CCSER1: variants seen among roughly 807,000 people sequenced by gnomAD.
CCSER1 encodes the protein coiled-coil serine rich protein 1.
In CCSER1, 41 loss-of-function variants were observed where a neutral mutation model predicts 82.0. That is an observed-to-expected ratio of 0.50 (90% CI 0.39 to 0.65). CCSER1 has a LOEUF of 0.65. Ranked by LOEUF, CCSER1 falls within the 30% of genes least tolerant of loss-of-function variation. The pLI is 0.00. For synonymous variants in CCSER1, 414 were observed against 383.9 expected, an observed-to-expected ratio of 1.08 and a Z score of -0.92; for missense variants, 1,119 against 1,064.2, an observed-to-expected ratio of 1.05 and a Z score of -0.72.
chr4:91,021,177 T>C (rs1739929285), intron 9 of CCSER1, among the ~76,000 whole-genome samples: 1 of 152,118 alleles, frequency 6.6e-6, no homozygotes, highest in Non-Finnish European at 1.5e-5. Flanking sequence ...CATAAATCTG[T>C]TTGACTATTT....
intron 5 of CCSER1, among the ~76,000 whole-genome samples, chr4:90,561,175 G>A (rs1366970498): frequency 2.0e-5 from 3 of 152,132 alleles, no homozygotes; most frequent in Non-Finnish European, 2.9e-5. Flanking sequence ...GAAACAGAAA[G>A]CACCTCTCAT....
chr4:90,584,839 T>G (rs924063148), intron 5 of CCSER1, among the ~76,000 whole-genome samples: 2 of 152,196 alleles, frequency 1.3e-5, no homozygotes, highest in African/African-American at 4.8e-5. Flanking sequence ...TAAACAGATT[T>G]GACAAAATCT....
chr4:91,377,520 T>C (rs923237514), intron 10 of CCSER1, among the ~76,000 whole-genome samples: 1 of 152,242 alleles, frequency 6.6e-6, no homozygotes, highest in Non-Finnish European at 1.5e-5. Flanking sequence ...CATGTTTTCA[T>C]GTATTTGTTG....
At chr4:91,050,752 A>G (rs1742938329) in intron 9 of CCSER1, among the ~76,000 whole-genome samples, 1 of 152,208 alleles carries the variant, frequency 6.6e-6, no homozygotes, top group Non-Finnish European at 1.5e-5. Flanking sequence ...AGGCCAGTCC[A>G]GATAACACTG....
intron 9 of CCSER1, among the ~76,000 whole-genome samples, chr4:91,059,483 A>C (rs2148731629): frequency 6.9e-6 from 1 of 145,870 alleles, no homozygotes; most frequent in East Asian, 2.1e-4. Context: ...ATAAGTCTCC[A>C]AAATACCAGT....
chr4:90,933,275 C>T (rs1730475454), intron 9 of CCSER1, among the ~76,000 whole-genome samples: 1 of 150,992 alleles, frequency 6.6e-6, no homozygotes, highest in African/African-American at 2.4e-5. Flanking sequence ...GCAATCTCCA[C>T]CTCCCGGGTT....
intron 9 of CCSER1, among the ~76,000 whole-genome samples, chr4:90,987,688 CT>C (rs1477656448): frequency 3.3e-5 from 5 of 151,588 alleles, no homozygotes. Context: ...TTGTTTTTAT[CT>C]TTAGCATTAG....
intron 10 of CCSER1, among the ~76,000 whole-genome samples, chr4:91,425,244 A>G (rs1341315710): frequency 2.6e-5 from 4 of 152,062 alleles, no homozygotes; most frequent in Non-Finnish European, 5.9e-5. Context: ...CAATTTTAGA[A>G]CTAATGGGAA....
intron 8 of CCSER1, among the ~76,000 whole-genome samples, chr4:90,836,776 C>T (rs1761859122): frequency 6.6e-6 from 1 of 152,140 alleles, no homozygotes; most frequent in South Asian, 2.1e-4. Context: ...TGGACTTCAT[C>T]AAGTGTTCAT....
intron 10 of CCSER1, among the ~76,000 whole-genome samples, chr4:91,490,661 C>T (rs113411488): frequency 0.012 from 1,849 of 148,378 alleles, 16 homozygotes; most frequent in African/African-American, 0.025. Flanking sequence ...AGAACGAATA[C>T]GATCAAGTAT....
At chr4:90,385,945 A>G (rs1397150986) in intron 3 of CCSER1, among the ~76,000 whole-genome samples, 1 of 152,170 alleles carries the variant, frequency 6.6e-6, no homozygotes, top group Non-Finnish European at 1.5e-5. Flanking sequence ...GAGTATGTTT[A>G]ACCAAAGAGG....
intron 1 of CCSER1, among the ~76,000 whole-genome samples, chr4:90,228,472 T>C (rs1025818502): frequency 6.6e-6 from 1 of 152,082 alleles, no homozygotes; most frequent in African/African-American, 2.4e-5. Context: ...CCCATCTGTA[T>C]ATCACCATCA....
chr4:91,186,877 G>C (rs957851622), intron 10 of CCSER1, among the ~76,000 whole-genome samples: 7 of 152,228 alleles, frequency 4.6e-5, no homozygotes, highest in African/African-American at 1.4e-4. Context: ...GGGAGGGCCA[G>C]GTGTTCCTTG....
At chr4:90,966,123 A>G (rs1049186057) in intron 9 of CCSER1, among the ~76,000 whole-genome samples, 3 of 152,080 alleles carry the variant, frequency 2.0e-5, no homozygotes, top group Non-Finnish European at 1.5e-5. Flanking sequence ...ACCTGTAAAA[A>G]CGCTGTGAAG....
At chr4:90,527,937 G>A (rs1773994808) in intron 5 of CCSER1, among the ~76,000 whole-genome samples, 1 of 152,032 alleles carries the variant, frequency 6.6e-6, no homozygotes, top group South Asian at 2.1e-4. Flanking sequence ...ATTTATCATT[G>A]TATTAAATCT....
At chr4:90,253,564 T>C (rs917186273) in intron 1 of CCSER1, among the ~76,000 whole-genome samples, 1 of 152,194 alleles carries the variant, frequency 6.6e-6, no homozygotes, top group Non-Finnish European at 1.5e-5. Context: ...TTATTGTTAT[T>C]GGGGTTCCTT....
At chr4:90,853,400 T>C (rs1764103407) in intron 8 of CCSER1, among the ~76,000 whole-genome samples, 1 of 152,190 alleles carries the variant, frequency 6.6e-6, no homozygotes. Context: ...TAATTCGTTT[T>C]AGTGATTAAT....
chr4:90,141,191 C>G (rs1165734789), intron 1 of CCSER1, among the ~76,000 whole-genome samples: 1 of 152,152 alleles, frequency 6.6e-6, no homozygotes, highest in Non-Finnish European at 1.5e-5. Context: ...AGAATTCTTT[C>G]TTTTCCAGCA....
At chr4:90,499,326 T>C (rs1466307134) in intron 5 of CCSER1, among the ~76,000 whole-genome samples, 4 of 152,124 alleles carry the variant, frequency 2.6e-5, no homozygotes. Flanking sequence ...ACTCAGGAAC[T>C]ACCAAGAGAT....
Sources: gnomAD v4.1 joint callset for allele counts (sites outside exome capture counted in the v4.1 genomes callset) on GRCh38, gnomAD v4.1.1 for gene constraint, MANE v1.5 for transcripts, NCBI Gene and HGNC (gene_info 2026-07-23, HGNC 2026-07-21) for gene names.